The following CUBN variants were observed in gnomAD, a reference collection of about 807,000 sequenced individuals.
CUBN encodes the protein cubilin, also known as 460 kDa receptor.
CUBN carries 282 observed loss-of-function variants against 405.3 expected under a neutral mutation model. The observed-to-expected ratio is 0.70, with a 90% confidence interval of 0.63 to 0.77. CUBN has a LOEUF of 0.77. Ranked by LOEUF, CUBN falls within the 30% of genes least tolerant of loss-of-function variation. CUBN has a pLI of 0.00. For synonymous variants in CUBN, 1,684 were observed against 1,617.0 expected, an observed-to-expected ratio of 1.04 and a Z score of -0.99; for missense variants, 4,514 against 4,475.2, an observed-to-expected ratio of 1.01 and a Z score of -0.25.
intron 29 of CUBN, among the ~76,000 whole-genome samples, chr10:16,984,864 G>A (rs567532982): frequency 6.6e-6 from 1 of 152,296 alleles, no homozygotes; most frequent in South Asian, 2.1e-4. Context: ...GCTTCTTTAG[G>A]AGGAGTGGAA....
In CUBN at chr10:16,824,959, A is replaced by G; in HGVS notation, c.*16T>C. The stretch of plus-strand genomic sequence containing the variant: ...TGCAGAGGGAAAGTGCTGAGTGAAC[A>G]CGAGTTGTTACCCACTTAGCTGTCC... On this transcript the variant is annotated 3_prime_UTR_variant, in exon 67 of 67. Transcript: ENST00000377833. 6.3e-7 allele frequency: 1 copy of G among 1,586,240 alleles called. No individual in the cohort carries two copies. Among genetic ancestry groups the G allele is most frequent in the Non-Finnish European group, 8.7e-7 (1 of 1,154,792 alleles).
At chr10:16,950,458 CA>C (rs772705010) in intron 33 of CUBN, among the ~76,000 whole-genome samples, 2 of 151,796 alleles carry the variant, frequency 1.3e-5, no homozygotes, top group Non-Finnish European at 2.9e-5. Context: ...CAAAAATTAA[CA>C]ATAAAATTTT....
intron 43 of CUBN, among the ~76,000 whole-genome samples, chr10:16,923,290 G>T (rs185018245): frequency 6.6e-6 from 1 of 152,058 alleles, no homozygotes; most frequent in African/African-American, 2.4e-5. Flanking sequence ...AGAATAAAAG[G>T]CATCTACCAC....
At chr10:16,892,218 C>T (rs1410957548) in intron 54 of CUBN, among the ~76,000 whole-genome samples, 1 of 152,162 alleles carries the variant, frequency 6.6e-6, no homozygotes, top group African/African-American at 2.4e-5. Flanking sequence ...AGCTGTTAGT[C>T]ATCCTACTGA....
In CUBN at chr10:16,938,841, A is replaced by G. The variant is rs536783793; in HGVS notation, c.5733+122T>C. 46 of 853,224 alleles carry G rather than the reference A, an allele frequency of 5.4e-5. 1 individual carries two copies. The South Asian group carries it at 5.8e-4, about 11-fold the overall frequency. 52.9% of individuals were successfully genotyped at this position (853,224 alleles called of 1,614,324 possible). Reference sequence around the variant, plus strand: ...AATCTAGAGGCAGTCTGCTCTAAACATGATTTAGAGCAGACTATCCCACAT... The same window carrying G: ...AATCTAGAGGCAGTCTGCTCTAAACGTGATTTAGAGCAGACTATCCCACAT... On this transcript the variant is annotated intron_variant, in intron 38 of 66. Coordinates refer to ENST00000377833, the MANE Select transcript of CUBN (RefSeq NM_001081.4).
At chr10:16,973,460 A>G (rs1832998042) in intron 31 of CUBN, among the ~76,000 whole-genome samples, 2 of 152,190 alleles carry the variant, frequency 1.3e-5, no homozygotes, top group Admixed American at 1.3e-4. Context: ...AGAATTACAG[A>G]CGGCAAGTCC....
At chr10:17,012,220 G>A (rs1479428205) in intron 28 of CUBN, among the ~76,000 whole-genome samples, 2 of 152,186 alleles carry the variant, frequency 1.3e-5, no homozygotes, top group African/African-American at 4.8e-5. Flanking sequence ...GGGCCCGAAG[G>A]CAAGTAATAG....
chr10:17,078,070 C>CCATCAT (rs748190105), intron 17 of CUBN, among the ~76,000 whole-genome samples: 3 of 152,032 alleles, frequency 2.0e-5, no homozygotes, highest in Non-Finnish European at 2.9e-5. Context: ...CTTCTCCTCC[C>CCATCAT]CATCATCATC....
chr10:17,126,860 T>G, intron 3 of CUBN, 61 bp from the exon 4 acceptor site: 1 of 1,550,028 alleles, frequency 6.5e-7, no homozygotes, highest in Non-Finnish European at 8.9e-7. Context: ...CATGTGATGT[T>G]ATATCCTTGA....
intron 10 of CUBN, among the ~76,000 whole-genome samples, chr10:17,106,726 G>A (rs12764649): frequency 6.6e-6 from 1 of 152,090 alleles, no homozygotes; most frequent in South Asian, 2.1e-4. Flanking sequence ...GGAGCCCAGA[G>A]AGCAAGCACT....
intron 31 of CUBN, among the ~76,000 whole-genome samples, chr10:16,964,705 A>G (rs1197997129): frequency 6.6e-6 from 1 of 152,242 alleles, no homozygotes; most frequent in Non-Finnish European, 1.5e-5. Flanking sequence ...GGCACTATTC[A>G]TATAACAGCA....
chr10:17,073,183 C>T lies in CUBN; in HGVS notation c.2302-1212G>A, dbSNP rs193131225. Among the ~76,000 whole-genome samples the T allele has an allele frequency of 1.1e-4, 17 of 152,172 alleles. No homozygotes were observed. The East Asian group carries it at 3.3e-3, about 29-fold the overall frequency. ...CTGATGTCACCTATTAATATAGATA[C>T]ACAAATCCTAAACACAGTTCTAGAA... On this transcript the variant is annotated intron_variant, in intron 17 of 66. Transcript: ENST00000377833.
chr10:16,947,085 A>G (rs1167968647), intron 36 of CUBN, 150 bp downstream of exon 36: 2 of 802,950 alleles, frequency 2.5e-6, no homozygotes, highest in African/African-American at 1.7e-5. Flanking sequence ...CATGCTATTT[A>G]TAACTCAAAC....
chr10:16,856,666 T>C (rs1839878156), intron 59 of CUBN, among the ~76,000 whole-genome samples: 1 of 152,206 alleles, frequency 6.6e-6, no homozygotes, highest in Non-Finnish European at 1.5e-5. Context: ...TCACATTCTA[T>C]ACGGCTGACA....
chr10:16,974,035 T>C (rs1197442926), intron 31 of CUBN, among the ~76,000 whole-genome samples: 1 of 152,208 alleles, frequency 6.6e-6, no homozygotes, highest in Non-Finnish European at 1.5e-5. Flanking sequence ...CCTCATTAAA[T>C]GAACCTCCCC....
chr10:16,907,321 C>T (rs1841580155), intron 49 of CUBN, among the ~76,000 whole-genome samples, 187 bp downstream of exon 49: 1 of 152,186 alleles, frequency 6.6e-6, no homozygotes, highest in African/African-American at 2.4e-5. Context: ...CAGTTTCTTT[C>T]TGAAATCAGA....
Position 16,916,006 on chromosome 10 carries a change from C to T in CUBN, c.7025G>A (p.Gly2342Glu), listed in dbSNP as rs1260232092. ...SIAQCGGRVP[G>E]QSGVVESIGH... ...AATGCTTTCAACAACACCACTTTGC[C>T]CTGGTACTCTTCCCCCACACTGAGC... Residue 2342 changes from glycine (G) to glutamate (E), a missense_variant, in exon 46 of 67, where the codon GGG (glycine) becomes GAG (glutamate). By Grantham distance (98) the Gly-to-Glu change is moderately conservative. Coordinates refer to ENST00000377833, the MANE Select transcript of CUBN (RefSeq NM_001081.4). 1 of 1,613,816 alleles carries T rather than the reference C, an allele frequency of 6.2e-7. No individual in the cohort carries two copies. Among genetic ancestry groups the T allele is most frequent in the Non-Finnish European group, 8.5e-7 (1 of 1,179,938 alleles).
rs1159199397 is a variant in CUBN, at chr10:17,050,647, C to G, written c.3140-3044G>C. ...AGCGGAAACAAGATCATTTAGAGTT[C>G]TCTCCCATTCCAGAATGGGGATACC... On this transcript the variant is annotated intron_variant, in intron 22 of 66. Coordinates refer to ENST00000377833, the MANE Select transcript of CUBN (RefSeq NM_001081.4). 3.9e-5 allele frequency among the ~76,000 whole-genome samples: 6 copies of G among 152,156 alleles called. 1 individual carries two copies. In the East Asian group the frequency reaches 9.6e-4, roughly 24 times the overall value.
intron 27 of CUBN, among the ~76,000 whole-genome samples, chr10:17,027,902 T>A (rs1834706316): frequency 6.6e-6 from 1 of 152,192 alleles, no homozygotes; most frequent in Non-Finnish European, 1.5e-5. Flanking sequence ...AAATTATTTC[T>A]TTATTCCCAT....
Sources: gnomAD v4.1 joint callset for allele counts (sites outside exome capture counted in the v4.1 genomes callset) on GRCh38, gnomAD v4.1.1 for gene constraint, MANE v1.5 for transcripts, NCBI Gene and HGNC (gene_info 2026-07-23, HGNC 2026-07-21) for gene names.